Variants in PDE7B observed in about 807,000 individuals in gnomAD.
PDE7B encodes 3',5'-cyclic-AMP phosphodiesterase 7B.
A neutral mutation model predicts 56.2 loss-of-function variants in PDE7B; 29 were observed. The observed-to-expected ratio is 0.52, with a 90% CI of 0.38 to 0.70. The LOEUF is 0.70. Ranked by LOEUF, PDE7B falls within the 30% of genes least tolerant of loss-of-function variation. PDE7B has a pLI of 0.00. For synonymous variants in PDE7B, 197 were observed against 196.9 expected (o/e 1.00, Z 0.00); for missense variants, 490 against 565.0 (o/e 0.87, Z 1.35).
intron 2 of PDE7B, among the ~76,000 whole-genome samples, chr6:136,045,827 G>A (rs1053362507): frequency 1.1e-4 from 17 of 151,762 alleles, no homozygotes; most frequent in African/African-American, 4.1e-4. Flanking sequence ...GGGAATGAAC[G>A]TAAATCTTCC....
At chr6:136,076,876 T>C (rs1364563717) in intron 2 of PDE7B, among the ~76,000 whole-genome samples, 2 of 152,088 alleles carry the variant, frequency 1.3e-5, no homozygotes, top group Non-Finnish European at 2.9e-5. Flanking sequence ...CTAAAGCCTT[T>C]CTCCATGGAA....
chr6:136,125,827 T>G (rs1234925593), intron 3 of PDE7B, among the ~76,000 whole-genome samples: 2 of 151,912 alleles, frequency 1.3e-5, no homozygotes, highest in Non-Finnish European at 2.9e-5. Context: ...ACAACAGCCT[T>G]CCCGGGGCGT....
intron 2 of PDE7B, among the ~76,000 whole-genome samples, chr6:135,998,558 C>A (rs945310482): frequency 6.6e-6 from 1 of 152,092 alleles, no homozygotes; most frequent in Non-Finnish European, 1.5e-5. Flanking sequence ...AGATCGAGAC[C>A]ATCCTGGCTA....
intron 3 of PDE7B, chr6:136,116,994 A>G (rs1777843063): frequency 6.6e-6 from 1 of 152,164 alleles, no homozygotes; most frequent in Non-Finnish European, 1.5e-5. Flanking sequence ...TTCAGGCACC[A>G]CCTCACTCCC....
intron 1 of PDE7B, among the ~76,000 whole-genome samples, chr6:135,946,206 A>G (rs1470134676): frequency 6.6e-6 from 1 of 151,486 alleles, no homozygotes; most frequent in Non-Finnish European, 1.5e-5. Flanking sequence ...TATGTCTTAT[A>G]TGATTGGCAT....
At chr6:136,060,664 T>G (rs1776821941) in intron 2 of PDE7B, among the ~76,000 whole-genome samples, 1 of 152,146 alleles carries the variant, frequency 6.6e-6, no homozygotes, top group Non-Finnish European at 1.5e-5. Context: ...AATGGGAAAT[T>G]GAGGCTCAAG....
At chr6:135,938,996 C>A (rs1156326660) in intron 1 of PDE7B, among the ~76,000 whole-genome samples, 2 of 152,230 alleles carry the variant, frequency 1.3e-5, no homozygotes, top group Non-Finnish European at 2.9e-5. Flanking sequence ...GAGAGACTCT[C>A]TGGAGACCGC....
intron 3 of PDE7B, among the ~76,000 whole-genome samples, chr6:136,140,026 T>C (rs894075993): frequency 1.3e-5 from 2 of 152,238 alleles, no homozygotes; most frequent in African/African-American, 4.8e-5. Context: ...TTTGGTGTTT[T>C]AGACATGAAG....
In PDE7B at chr6:136,149,120, G is replaced by T; in HGVS notation, c.352G>T (p.Asp118Tyr). The change falls in exon 5 of 13, where the codon GAC (aspartate) becomes TAC (tyrosine). Residue 118 changes from aspartate (D) to tyrosine (Y), a missense_variant. Transcript: ENST00000308191. ...MLSKVGMWDF[D>Y]IFLFDRLTNG... The stretch of plus-strand genomic sequence containing the variant: ...CTCCAAAGTGGGAATGTGGGATTTT[G>T]ACATTTTCTTGTTTGATCGCTTGAC... 1.2e-6 allele frequency: 2 copies of T among 1,612,946 alleles called. No homozygotes were observed. The highest frequency in any genetic ancestry group is 2.2e-5 in the South Asian group (2 of 91,032).
intron 2 of PDE7B, among the ~76,000 whole-genome samples, chr6:135,961,828 G>A (rs768048913): frequency 2.0e-5 from 3 of 152,022 alleles, no homozygotes; most frequent in South Asian, 2.1e-4. Context: ...CAGATCTAAA[G>A]TTATAATATG....
intron 5 of PDE7B, among the ~76,000 whole-genome samples, chr6:136,150,384 T>C (rs1156750830): frequency 6.6e-6 from 1 of 152,196 alleles, no homozygotes; most frequent in Non-Finnish European, 1.5e-5. Context: ...TTGATTTTTG[T>C]ATATGGTGAG....
At chr6:136,053,367 G>A (rs1776668608) in intron 2 of PDE7B, among the ~76,000 whole-genome samples, 1 of 151,828 alleles carries the variant, frequency 6.6e-6, no homozygotes, top group Admixed American at 6.6e-5. Flanking sequence ...CTTCATCCAT[G>A]TCCCTAAAAA....
At chr6:135,928,542 CAT>C (rs1220220679) in intron 1 of PDE7B, among the ~76,000 whole-genome samples, 6 of 105,742 alleles carry the variant, frequency 5.7e-5, no homozygotes, top group African/African-American at 1.5e-4. Flanking sequence ...CACACACACA[CAT>C]ACACACACAC....
At chr6:135,991,571 C>T (rs1396191734) in intron 2 of PDE7B, among the ~76,000 whole-genome samples, 2 of 152,108 alleles carry the variant, frequency 1.3e-5, no homozygotes, top group Admixed American at 6.6e-5. Flanking sequence ...ATTCCTTCTG[C>T]TAGGAGAAAG....
chr6:136,070,647 A>G (rs190139384), intron 2 of PDE7B, among the ~76,000 whole-genome samples: 45 of 152,290 alleles, frequency 3.0e-4, no homozygotes, highest in Middle Eastern at 3.4e-3. Flanking sequence ...AAAACATTGA[A>G]AATTTTTTAA....
At chr6:136,033,021 G>A (rs1252018115) in intron 2 of PDE7B, among the ~76,000 whole-genome samples, 2 of 152,204 alleles carry the variant, frequency 1.3e-5, no homozygotes, top group Non-Finnish European at 2.9e-5. Context: ...GAAGTTGACA[G>A]ACTCGAATGT....
At chr6:135,868,732 C>T (rs1023663900) in intron 1 of PDE7B, among the ~76,000 whole-genome samples, 5 of 152,200 alleles carry the variant, frequency 3.3e-5, no homozygotes, top group Non-Finnish European at 7.3e-5. Context: ...CGCGCCCAGC[C>T]TTGGGGAGTA....
At chr6:136,130,763 A>C (rs1189449896) in intron 3 of PDE7B, among the ~76,000 whole-genome samples, 2 of 152,158 alleles carry the variant, frequency 1.3e-5, no homozygotes, top group East Asian at 3.9e-4. Context: ...AAAGAAAAAG[A>C]GGTTTAATGG....
At position 135,961,099 on chromosome 6, in the gene PDE7B, A is replaced by G. The variant is rs562338251; in HGVS notation, c.82+13575A>G. On this transcript the variant is annotated intron_variant, in intron 2 of 12. Transcript: ENST00000308191. ...GACCATCTGATCCCCAATACCTAACATATTTGCTATGTGTCCCTTCACAGA... is the reference window on the plus strand; with the variant it reads ...GACCATCTGATCCCCAATACCTAACGTATTTGCTATGTGTCCCTTCACAGA... Among the ~76,000 whole-genome samples the G allele has an allele frequency of 1.1e-4, 17 of 152,260 alleles. 1 individual carries two copies. The highest frequency in any genetic ancestry group is 4.1e-4 in the African/African-American group (17 of 41,550).
Sources: allele counts gnomAD v4.1 joint callset (sites outside exome capture counted in the v4.1 genomes callset), GRCh38; gene constraint gnomAD v4.1.1; transcripts MANE v1.5; gene names NCBI Gene and HGNC (gene_info 2026-07-23, HGNC 2026-07-21).